The following DLGAP2 variants were observed in gnomAD, a reference collection of about 807,000 sequenced individuals.
DLGAP2 encodes disks large-associated protein 2.
DLGAP2 carries 26 observed loss-of-function variants against 100.3 expected under a neutral mutation model. The ratio of observed to expected loss-of-function variants is 0.26; its 90% CI spans 0.19 to 0.36. The LOEUF is 0.36. Ranked by LOEUF, DLGAP2 falls within the 10% of genes least tolerant of loss-of-function variation. The pLI is 1.00. For missense variants in DLGAP2, 1,858 were observed against 1,453.2 expected, an observed-to-expected ratio of 1.28 and a Z score of -4.53; for synonymous variants, 886 against 630.1, an observed-to-expected ratio of 1.41 and a Z score of -6.08.
chr8:1,348,417 AC>A, intron 3 of DLGAP2, among the ~76,000 whole-genome samples: 1 of 118,096 alleles, frequency 8.5e-6, no homozygotes. Context: ...TCTCATGGTA[AC>A]TGTCTGGAGG....
chr8:919,719 G>A (rs1325382627), intron 2 of DLGAP2, among the ~76,000 whole-genome samples: 1 of 152,104 alleles, frequency 6.6e-6, no homozygotes, highest in African/African-American at 2.4e-5. Flanking sequence ...AGCCTGCATG[G>A]GGTGTGAGCT....
At chr8:1,545,640 G>A (rs1171649437) in intron 4 of DLGAP2, among the ~76,000 whole-genome samples, 1 of 152,142 alleles carries the variant, frequency 6.6e-6, no homozygotes, top group East Asian at 1.9e-4. Flanking sequence ...CTCGTTACAT[G>A]TTCTAGTGTT....
At chr8:1,383,133 C>G (rs561356746) in intron 3 of DLGAP2, among the ~76,000 whole-genome samples, 1 of 152,088 alleles carries the variant, frequency 6.6e-6, no homozygotes, top group African/African-American at 2.4e-5. Context: ...AGGGATCATC[C>G]CCTTTATCTA....
chr8:1,120,988 C>G (rs547162909), intron 2 of DLGAP2, among the ~76,000 whole-genome samples: 8 of 151,250 alleles, frequency 5.3e-5, no homozygotes, highest in Admixed American at 5.3e-4. Flanking sequence ...CCCTTCAGAA[C>G]CCAAGACCTC....
At chr8:1,590,843 C>G (rs1030805489) in intron 6 of DLGAP2, among the ~76,000 whole-genome samples, 1 of 152,142 alleles carries the variant, frequency 6.6e-6, no homozygotes, top group Non-Finnish European at 1.5e-5. Flanking sequence ...TCCCTGAGCC[C>G]CACCCCTGGC....
intron 2 of DLGAP2, among the ~76,000 whole-genome samples, chr8:1,078,801 A>G (rs1378390151): frequency 1.3e-5 from 2 of 152,168 alleles, no homozygotes; most frequent in Admixed American, 6.5e-5. Context: ...TTATTCATTC[A>G]CCTAATGAAG....
Position 1,078,066 on chromosome 8 carries a change from G to A in DLGAP2, c.73+170100G>A, listed in dbSNP as rs552085897. Among the ~76,000 whole-genome samples, 6 of 152,280 alleles carry A rather than the reference G, an allele frequency of 3.9e-5. No individual in the cohort carries two copies. The South Asian group carries it at 6.2e-4, about 16-fold the overall frequency. On this transcript the variant is annotated intron_variant, in intron 2 of 14. Coordinates refer to ENST00000637795, the MANE Select transcript of DLGAP2 (RefSeq NM_001346810.2). ...AACTTAAATCCCACCGGGACCCGGT[G>A]AGGGTTACCTTCTGTCCCTGGTTTT... is the stretch of plus-strand genomic sequence containing the variant.
intron 2 of DLGAP2, among the ~76,000 whole-genome samples, chr8:928,056 T>C (rs891433879): frequency 3.3e-5 from 5 of 152,294 alleles, no homozygotes; most frequent in African/African-American, 1.2e-4. Context: ...CAGAGTTCCC[T>C]GCCCAGGGCT....
At chr8:1,459,750 A>G (rs1236188360) in intron 3 of DLGAP2, among the ~76,000 whole-genome samples, 1 of 146,558 alleles carries the variant, frequency 6.8e-6, no homozygotes, top group Non-Finnish European at 1.5e-5. Context: ...CAGTGGCACA[A>G]TCTTGGCTCA....
chr8:842,753 A>G (rs1405275413), intron 1 of DLGAP2, among the ~76,000 whole-genome samples: 1 of 151,980 alleles, frequency 6.6e-6, no homozygotes, highest in South Asian at 2.1e-4. Flanking sequence ...TTTCAACCTT[A>G]TATTTTTCTT....
intron 3 of DLGAP2, among the ~76,000 whole-genome samples, chr8:1,303,627 C>G (rs762984159): frequency 2.0e-5 from 3 of 152,130 alleles, no homozygotes; most frequent in Admixed American, 1.3e-4. Flanking sequence ...AGTCCTCCAT[C>G]CATGCCTCTG....
chr8:1,328,462 C>G lies in DLGAP2; in HGVS notation c.106+69579C>G, dbSNP rs146167060. Among the ~76,000 whole-genome samples, 800 of 152,182 alleles carry G rather than the reference C, an allele frequency of 5.3e-3. 1 individual carries two copies. The highest frequency in any genetic ancestry group is 8.7e-3 in the Non-Finnish European group (593 of 68,018). On this transcript the variant is annotated intron_variant, in intron 3 of 14. Transcript: ENST00000637795. Reference sequence around the variant, plus strand: ...GCCTCCCGAGTAGCGGGATTATAGGCTCATGCCTGACTAATTTGTGTGTGT... The same window carrying G: ...GCCTCCCGAGTAGCGGGATTATAGGGTCATGCCTGACTAATTTGTGTGTGT...
intron 3 of DLGAP2, among the ~76,000 whole-genome samples, chr8:1,330,179 G>A (rs1013378068): frequency 6.6e-6 from 1 of 152,232 alleles, no homozygotes; most frequent in African/African-American, 2.4e-5. Flanking sequence ...TGGCCGTGGT[G>A]CTGACGCCCA....
At chr8:1,616,153 A>C (rs1023508271) in intron 6 of DLGAP2, among the ~76,000 whole-genome samples, 7 of 152,218 alleles carry the variant, frequency 4.6e-5, no homozygotes, top group African/African-American at 1.7e-4. Flanking sequence ...TTGAGAGAGC[A>C]GGAAAAAAGC....
intron 1 of DLGAP2, among the ~76,000 whole-genome samples, chr8:825,166 T>C (rs560864751): frequency 3.4e-4 from 52 of 152,218 alleles, no homozygotes; most frequent in Middle Eastern, 3.4e-3. Context: ...CACAGAACCA[T>C]CTGCAGGGTC....
At position 1,420,309 on chromosome 8, in the gene DLGAP2, C is replaced by T. The variant is rs1797053818; in HGVS notation, c.107-81057C>T. ...TTATTGCCCTTATTACTTAGGAAAC[C>T]ATGGGGTTTTAGGAGCTCTGAGCAA... On this transcript the variant is annotated intron_variant, in intron 3 of 14. Transcript: ENST00000637795. Among the ~76,000 whole-genome samples, 5 of 152,104 alleles carry T rather than the reference C, an allele frequency of 3.3e-5. 1 individual carries two copies. In the South Asian group the frequency reaches 1.0e-3, roughly 32 times the overall value.
intron 2 of DLGAP2, among the ~76,000 whole-genome samples, chr8:1,047,993 C>T (rs1007561982): frequency 2.0e-5 from 3 of 152,112 alleles, no homozygotes; most frequent in African/African-American, 7.2e-5. Flanking sequence ...AACCTTAGAC[C>T]GTTAAGGCCT....
chr8:1,201,073 C>G (rs917441268), intron 2 of DLGAP2, among the ~76,000 whole-genome samples: 1 of 152,178 alleles, frequency 6.6e-6, no homozygotes, highest in Admixed American at 6.5e-5. Context: ...TGCCGAGATG[C>G]CCAGAGACCA....
At chr8:1,264,299 G>GCCCA (rs1799409096) in intron 3 of DLGAP2, among the ~76,000 whole-genome samples, 5 of 152,106 alleles carry the variant, frequency 3.3e-5, no homozygotes, top group African/African-American at 1.2e-4. Flanking sequence ...TGGGGTTGCG[G>GCCCA]TCTGTGCCCT....
Sources: gnomAD v4.1 joint callset for allele counts (sites outside exome capture counted in the v4.1 genomes callset) on GRCh38, gnomAD v4.1.1 for gene constraint, MANE v1.5 for transcripts, NCBI Gene and HGNC (gene_info 2026-07-23, HGNC 2026-07-21) for gene names.